The following CASD1 variants were observed in gnomAD, a reference collection of about 807,000 sequenced individuals.
CASD1 encodes CAS1 domain sialic acid O acetyltransferase 1, also known as N-acetylneuraminate (7)9-O-acetyltransferase.
Under a neutral mutation model 100.0 loss-of-function variants are expected in CASD1, and 41 were observed. The ratio of observed to expected loss-of-function variants is 0.41; its 90% CI spans 0.32 to 0.53. CASD1 has a LOEUF of 0.53. Among genes scored for constraint, CASD1 ranks in the 20% least tolerant of loss-of-function variants. The probability of loss-of-function intolerance (pLI) is 0.25; values close to 1 mark genes in which losing one functional copy is unlikely to be tolerated. For synonymous variants in CASD1, 321 were observed against 315.6 expected (o/e 1.02, Z -0.18); for missense variants, 774 against 948.7 (o/e 0.82, Z 2.42).
downstream of CASD1, among the ~76,000 whole-genome samples, chr7:94,559,328 A>G (rs62465722): frequency 1.2e-4 from 13 of 110,106 alleles, no homozygotes; most frequent in African/African-American, 3.6e-4. Context: ...GTGTGTGTAT[A>G]TATATATGTA....
chr7:94,525,667 AAC>A (rs1794527607), intron 3 of CASD1, among the ~76,000 whole-genome samples: 1 of 152,206 alleles, frequency 6.6e-6, no homozygotes, highest in South Asian at 2.1e-4. Context: ...GAAGGAGGAA[AAC>A]ACCTGTGTGA....
chr7:94,531,885 G>A (rs546185937), intron 5 of CASD1, among the ~76,000 whole-genome samples: 2 of 151,980 alleles, frequency 1.3e-5, no homozygotes, highest in African/African-American at 4.8e-5. Context: ...GCAGGCCTCA[G>A]CAATATCCTA....
chr7:94,521,978 G>A (rs1166066614), intron 3 of CASD1, among the ~76,000 whole-genome samples: 2 of 152,170 alleles, frequency 1.3e-5, no homozygotes, highest in Non-Finnish European at 2.9e-5. Context: ...CCAGCTATCG[G>A]GAGGCTGAGG....
chr7:94,632,401 T>C, the CASD1 span, among the ~76,000 whole-genome samples: 1 of 152,044 alleles, frequency 6.6e-6, no homozygotes, highest in South Asian at 2.1e-4. Context: ...CAATCTACCA[T>C]GGCCCTCCTG....
chr7:94,545,778 ATTATT>A, intron 12 of CASD1, 77 bp downstream of exon 12: 1 of 877,770 alleles, frequency 1.1e-6, no homozygotes, highest in African/African-American at 1.7e-5. Flanking sequence ...GCTAAATGAT[ATTATT>A]TTTATTAAGT....
chr7:94,614,292 G>A, the CASD1 span, among the ~76,000 whole-genome samples: 1 of 151,742 alleles, frequency 6.6e-6, no homozygotes, highest in Non-Finnish European at 1.5e-5. Context: ...ATGCTATTGG[G>A]TCCCCTAAAA....
chr7:94,549,703 A>T, intron 14 of CASD1, 69 bp downstream of exon 14: 1 of 1,184,618 alleles, frequency 8.4e-7, no homozygotes, highest in Non-Finnish European at 1.2e-6. Context: ...GAAATTTTTG[A>T]TCTATCTATA....
At chr7:94,570,615 C>G in the CASD1 span, among the ~76,000 whole-genome samples, 28 of 152,260 alleles carry the variant, frequency 1.8e-4, no homozygotes, top group Middle Eastern at 3.4e-3. Context: ...CTGCCCCAGC[C>G]TCCTGAGTAG....
chr7:94,588,523 A>T, the CASD1 span: 2 of 1,453,020 alleles, frequency 1.4e-6, no homozygotes, highest in Non-Finnish European at 1.8e-6. Context: ...CAATCTATGT[A>T]ATAATCTAAG....
chr7:94,597,685 A>G, the CASD1 span: 1 of 152,106 alleles, frequency 6.6e-6, no homozygotes, highest in African/African-American at 2.4e-5. Context: ...GCTTAGGGCA[A>G]TTGAATTCAA....
At chr7:94,615,230 G>C in the CASD1 span, among the ~76,000 whole-genome samples, 1 of 152,092 alleles carries the variant, frequency 6.6e-6, no homozygotes, top group Admixed American at 6.5e-5. Flanking sequence ...ACAGTGGCAG[G>C]TGCCTGTAAT....
the CASD1 span, among the ~76,000 whole-genome samples, chr7:94,603,729 A>G: frequency 1.3e-5 from 2 of 152,034 alleles, no homozygotes; most frequent in African/African-American, 4.8e-5. Flanking sequence ...ATTTATTTTC[A>G]TTCAATATAA....
Position 94,527,212 on chromosome 7 carries a change from T to A in CASD1, c.396+6T>A. On this transcript the variant is annotated splice_donor_region_variant and intron_variant, in intron 4 of 17. Coordinates refer to ENST00000297273, the MANE Select transcript of CASD1 (RefSeq NM_022900.5). ...AGACTGCATCAGTTAAAGTGGTAAG[T>A]TCATGTAATAGTAAGCTAGATGTTA... 1 of 1,598,644 alleles carries A rather than the reference T, an allele frequency of 6.3e-7. No individual in the cohort carries two copies. Among genetic ancestry groups the A allele is most frequent in the Non-Finnish European group, 8.6e-7 (1 of 1,166,746 alleles).
Position 94,509,848 on chromosome 7 carries a change from G to T in CASD1, c.-237G>T. Reference sequence around the variant, plus strand: ...GGGCGCCTGGGGAACCGGCACGGCGGAGCAGCGGCGGCGGGGCTGGGGGGA... The same window carrying T: ...GGGCGCCTGGGGAACCGGCACGGCGTAGCAGCGGCGGCGGGGCTGGGGGGA... On this transcript the variant is annotated 5_prime_UTR_variant, in exon 1 of 18. Transcript: ENST00000297273. 6.9e-6 allele frequency: 7 copies of T among 1,007,876 alleles called. No individual in the cohort carries two copies. The highest frequency in any genetic ancestry group is 8.3e-6 in the Non-Finnish European group (7 of 845,266). 62.4% of individuals were successfully genotyped at this position (1,007,876 alleles called of 1,614,324 possible). A position where few individuals can be genotyped will look rare whatever the true frequency, so the allele number is the denominator to read the frequency against.
At chr7:94,619,229 C>T in the CASD1 span, 1 of 294,942 alleles carries the variant, frequency 3.4e-6, no homozygotes, top group Non-Finnish European at 6.3e-6. Context: ...GGCAAAACAA[C>T]TAAGAAAAGC....
chr7:94,553,752 C>T (rs915756145), intron 16 of CASD1: 1 of 151,450 alleles, frequency 6.6e-6, no homozygotes, highest in Non-Finnish European at 1.5e-5. Flanking sequence ...ACATATGTAA[C>T]AAACCTGCAC....
rs763523520 is a variant in CASD1, at chr7:94,547,089, C to G, written c.1634-7C>G. On this transcript the variant is annotated splice_polypyrimidine_tract_variant and splice_region_variant and intron_variant, in intron 12 of 17. Coordinates refer to ENST00000297273, the MANE Select transcript of CASD1 (RefSeq NM_022900.5). Reference sequence around the variant, plus strand: ...TTTTTTAGTAAATTAAATATTTTCTCTCTTAGGAAATTGTTTCTGGCATTT... The same window carrying G: ...TTTTTTAGTAAATTAAATATTTTCTGTCTTAGGAAATTGTTTCTGGCATTT... The G allele has an allele frequency of 5.8e-6, 9 of 1,552,770 alleles. No individual in the cohort carries two copies. Among genetic ancestry groups the G allele is most frequent in the Admixed American group, 5.5e-5 (3 of 54,902 alleles).
chr7:94,540,814 G>T lies in CASD1; in HGVS notation c.1356+1758G>T, dbSNP rs115953308. 3.8e-3 allele frequency among the ~76,000 whole-genome samples: 583 copies of T among 152,210 alleles called. 4 individuals carry two copies. The highest frequency in any genetic ancestry group is 0.013 in the African/African-American group (557 of 41,562). ...GAATAAAGACTGAGTAATGGAATTT[G>T]TTTTAAGAAAATACCACTTAGAGAC... On this transcript the variant is annotated intron_variant, in intron 10 of 17. Transcript: ENST00000297273.
chr7:94,627,541 CTT>C, the CASD1 span: 1 of 152,400 alleles, frequency 6.6e-6, no homozygotes, highest in South Asian at 2.1e-4. Context: ...TCCAGCCACA[CTT>C]ATAGTTCTCT....
Sources: allele counts gnomAD v4.1 joint callset (sites outside exome capture counted in the v4.1 genomes callset), GRCh38; gene constraint gnomAD v4.1.1; transcripts MANE v1.5; gene names NCBI Gene and HGNC (gene_info 2026-07-23, HGNC 2026-07-21).